Variants in SND1 observed in about 807,000 individuals in gnomAD.
SND1 encodes the protein staphylococcal nuclease and tudor domain containing 1.
A neutral mutation model predicts 121.7 loss-of-function variants in SND1; 38 were observed. The observed-to-expected ratio is 0.31, with a 90% CI of 0.24 to 0.41. The LOEUF (loss-of-function observed/expected upper bound fraction) is 0.41. Ranked by LOEUF, SND1 falls within the 10% of genes least tolerant of loss-of-function variation. SND1 has a pLI of 1.00. For synonymous variants in SND1, 401 were observed against 447.4 expected, an observed-to-expected ratio of 0.90 and a Z score of 1.31; for missense variants, 868 against 1,184.6, an observed-to-expected ratio of 0.73 and a Z score of 3.92.
At chr7:127,846,115 G>A (rs1423821409) in intron 12 of SND1, among the ~76,000 whole-genome samples, 1 of 152,142 alleles carries the variant, frequency 6.6e-6, no homozygotes, top group Non-Finnish European at 1.5e-5. Context: ...TGTCAATTCT[G>A]TTGGCTGTTT....
At chr7:127,925,068 T>C (rs1018703581) in intron 14 of SND1, among the ~76,000 whole-genome samples, 16 of 152,226 alleles carry the variant, frequency 1.1e-4, no homozygotes, top group Admixed American at 6.5e-5. Flanking sequence ...GGCACATTTG[T>C]TGCATCATTA....
chr7:127,694,585 C>A, intron 2 of SND1: 1 of 434,088 alleles, frequency 2.3e-6, no homozygotes, highest in Non-Finnish European at 4.1e-6. Context: ...GTCTGGAAAA[C>A]TCTGAGGCCT....
chr7:127,723,763 C>T (rs1045295685), intron 10 of SND1, among the ~76,000 whole-genome samples: 1 of 152,208 alleles, frequency 6.6e-6, no homozygotes, highest in Non-Finnish European at 1.5e-5. Flanking sequence ...ATGAGCCACA[C>T]ATGTGAGCTC....
chr7:128,008,364 T>C (rs1803033950), intron 16 of SND1, among the ~76,000 whole-genome samples: 1 of 152,134 alleles, frequency 6.6e-6, no homozygotes, highest in Non-Finnish European at 1.5e-5. Flanking sequence ...TATGTAGTTG[T>C]AGAAAAGCTG....
intron 2 of SND1, among the ~76,000 whole-genome samples, chr7:127,690,614 C>T (rs929386403): frequency 1.3e-5 from 2 of 152,202 alleles, no homozygotes; most frequent in African/African-American, 4.8e-5. Flanking sequence ...AAGAAGAGAG[C>T]CTTTCTCTCA....
intron 11 of SND1, among the ~76,000 whole-genome samples, chr7:127,836,256 G>A (rs111457815): frequency 1.5e-3 from 222 of 152,250 alleles, no homozygotes; most frequent in African/African-American, 4.8e-3. Context: ...CTTTCTAAAT[G>A]TGTTTATAAA....
intron 16 of SND1, among the ~76,000 whole-genome samples, chr7:128,038,885 A>G (rs1430867050): frequency 6.6e-6 from 1 of 152,200 alleles, no homozygotes; most frequent in Non-Finnish European, 1.5e-5. Flanking sequence ...CTCCATAGCA[A>G]CCAAAGTGAT....
chr7:127,720,252 G>A (rs928721763), intron 9 of SND1, among the ~76,000 whole-genome samples: 6 of 152,232 alleles, frequency 3.9e-5, no homozygotes, highest in Admixed American at 3.9e-4. Context: ...CCCTTGCTGT[G>A]TGGCAGCTGA....
chr7:127,762,608 T>C (rs1375988121), intron 10 of SND1, among the ~76,000 whole-genome samples: 1 of 152,238 alleles, frequency 6.6e-6, no homozygotes, highest in Non-Finnish European at 1.5e-5. Flanking sequence ...GTTCAGTCTA[T>C]GACAGTTACC....
At chr7:128,036,203 TTG>T (rs34733932) in intron 16 of SND1, among the ~76,000 whole-genome samples, 13,235 of 151,590 alleles carry the variant, frequency 0.087, 1,025 homozygotes, top group African/African-American at 0.2. Context: ...ATGAACACAT[TTG>T]TGTGTGTGTG....
At chr7:127,802,187 T>A in intron 10 of SND1, among the ~76,000 whole-genome samples, 1 of 152,246 alleles carries the variant, frequency 6.6e-6, no homozygotes, top group East Asian at 1.9e-4. Context: ...ACTAATTGCC[T>A]ACTGTTGACC....
chr7:128,029,875 G>C lies in SND1; in HGVS notation c.1779+38819G>C. On this transcript the variant is annotated intron_variant, in intron 16 of 23. Coordinates refer to ENST00000354725, the MANE Select transcript of SND1 (RefSeq NM_014390.4). The surrounding 1 kb of genome is among the most constrained non-coding windows in gnomAD (Gnocchi z 4.2). ...CCGTCAAAAGCATTCCGCTCAATCAGGCTGACCTGTGAGTTCATGACCCAG... is the reference window on the plus strand; with the variant it reads ...CCGTCAAAAGCATTCCGCTCAATCACGCTGACCTGTGAGTTCATGACCCAG... The C allele has an allele frequency of 6.2e-7, 1 of 1,613,390 alleles. No homozygotes were observed. The highest frequency in any genetic ancestry group is 8.5e-7 in the Non-Finnish European group (1 of 1,180,026).
intron 10 of SND1, among the ~76,000 whole-genome samples, chr7:127,794,641 C>T (rs1704814842): frequency 6.6e-6 from 1 of 152,306 alleles, no homozygotes; most frequent in South Asian, 2.1e-4. Flanking sequence ...ATTTTCTTTT[C>T]CTCCTGTTCT....
chr7:127,718,847 A>G (rs1294017463), intron 9 of SND1: 1 of 630,860 alleles, frequency 1.6e-6, no homozygotes, highest in Admixed American at 6.3e-5. Context: ...TCGTGTCTTG[A>G]TTATAGGAAT....
intron 12 of SND1, among the ~76,000 whole-genome samples, chr7:127,867,644 G>A (rs945776104): frequency 1.3e-5 from 2 of 151,984 alleles, no homozygotes; most frequent in Non-Finnish European, 2.9e-5. Context: ...TCCTATCCTG[G>A]CTCTCCTCAC....
intron 10 of SND1, among the ~76,000 whole-genome samples, chr7:127,775,181 G>A (rs1797593444): frequency 1.3e-5 from 2 of 152,208 alleles, no homozygotes; most frequent in Non-Finnish European, 2.9e-5. Flanking sequence ...GGAGAGGCAA[G>A]GACGGATTAT....
chr7:127,969,092 CTG>C (rs973761389), intron 15 of SND1, among the ~76,000 whole-genome samples: 19 of 152,196 alleles, frequency 1.2e-4, no homozygotes, highest in African/African-American at 4.6e-4. Context: ...TACCTAGTAA[CTG>C]TTCCTTTGCC....
chr7:127,952,250 T>TA (rs1801478197), intron 15 of SND1, among the ~76,000 whole-genome samples: 1 of 152,246 alleles, frequency 6.6e-6, no homozygotes, highest in Non-Finnish European at 1.5e-5. Flanking sequence ...CTTAGCAGGT[T>TA]TTGATCTTGA....
At chr7:127,866,158 G>A (rs186202219) in intron 12 of SND1, among the ~76,000 whole-genome samples, 1 of 151,998 alleles carries the variant, frequency 6.6e-6, no homozygotes, top group African/African-American at 2.4e-5. Flanking sequence ...TTTTCATATC[G>A]GCCAGACATA....
Sources: gnomAD v4.1 joint callset for allele counts (sites outside exome capture counted in the v4.1 genomes callset) on GRCh38, gnomAD v4.1.1 for gene constraint, Gnocchi (gnomAD v3.1) non-coding constraint, MANE v1.5 for transcripts, NCBI Gene and HGNC (gene_info 2026-07-23, HGNC 2026-07-21) for gene names.